Variants in HSD17B2 observed in about 807,000 individuals in gnomAD.
HSD17B2 encodes hydroxysteroid 17-beta dehydrogenase 2.
A neutral mutation model predicts 26.9 loss-of-function variants in HSD17B2; 32 were observed. The ratio of observed to expected loss-of-function variants is 1.19; its 90% CI spans 0.90 to 1.60. The LOEUF (loss-of-function observed/expected upper bound fraction) is 1.60. Ranked by LOEUF, HSD17B2 falls within the 40% of genes most tolerant of loss-of-function variation. The pLI, the probability that HSD17B2 is intolerant of heterozygous loss-of-function variation, is 0.00. For missense variants in HSD17B2, 613 were observed against 468.6 expected (o/e 1.31, Z -2.85); for synonymous variants, 246 against 186.7 (o/e 1.32, Z -2.59).
At chr16:82,054,887 G>C (rs1018646597) in intron 1 of HSD17B2, among the ~76,000 whole-genome samples, 1 of 152,074 alleles carries the variant, frequency 6.6e-6, no homozygotes, top group Non-Finnish European at 1.5e-5. Context: ...GATATCTCTC[G>C]TCACATTTTA....
chr16:82,086,653 CA>C (rs1345235109), intron 3 of HSD17B2, among the ~76,000 whole-genome samples: 1 of 152,174 alleles, frequency 6.6e-6, no homozygotes, highest in Non-Finnish European at 1.5e-5. Flanking sequence ...AGAAAGGGTG[CA>C]GTCTACGTCT....
chr16:82,046,565 A>G (rs1913935490), intron 1 of HSD17B2, among the ~76,000 whole-genome samples: 2 of 152,156 alleles, frequency 1.3e-5, no homozygotes, highest in Admixed American at 1.3e-4. Context: ...TCTACCAAAA[A>G]TACAAAAATT....
At chr16:82,040,552 T>G (rs193202986) in intron 1 of HSD17B2, among the ~76,000 whole-genome samples, 188 of 152,346 alleles carry the variant, frequency 1.2e-3, no homozygotes, top group Non-Finnish European at 2.1e-3. Context: ...AGATCCATAG[T>G]TGGTATTAGA....
At chr16:82,059,789 C>A (rs368847697) in intron 1 of HSD17B2, among the ~76,000 whole-genome samples, 1 of 152,132 alleles carries the variant, frequency 6.6e-6, no homozygotes, top group Non-Finnish European at 1.5e-5. Context: ...ACCACATTCC[C>A]GTTGTGTAGC....
intron 1 of HSD17B2, among the ~76,000 whole-genome samples, chr16:82,061,148 A>T (rs977797564): frequency 4.6e-5 from 7 of 152,082 alleles, no homozygotes. Context: ...AATCCCAGCT[A>T]CTTGGGAGGC....
At chr16:82,049,236 G>A (rs539086570) in intron 1 of HSD17B2, among the ~76,000 whole-genome samples, 22 of 152,276 alleles carry the variant, frequency 1.4e-4, no homozygotes, top group East Asian at 7.7e-4. Flanking sequence ...ATAGGGTAGC[G>A]GGGAGTGACA....
At chr16:82,097,290 GTGTATATATATA>G (rs1904874262) in intron 4 of HSD17B2, 1 of 151,120 alleles carries the variant, frequency 6.6e-6, no homozygotes, top group East Asian at 1.9e-4. Context: ...GTGTGTGTGT[GTGTATATATATA>G]TACACATATA....
chr16:82,039,672 T>C (rs1292200279), intron 1 of HSD17B2, among the ~76,000 whole-genome samples: 2 of 152,220 alleles, frequency 1.3e-5, no homozygotes, highest in African/African-American at 4.8e-5. Context: ...GTTGTCCTTC[T>C]CAGCCTACCC....
rs1411127348 is a variant in HSD17B2 at position 82,035,367 on chromosome 16, C to G, written c.-58C>G. The G allele has an allele frequency of 1.3e-6, 2 of 1,551,456 alleles. No individual in the cohort carries two copies. The highest frequency in any genetic ancestry group is 1.7e-6 in the Non-Finnish European group (2 of 1,143,402). On this transcript the variant is annotated 5_prime_UTR_variant, in exon 1 of 5. Coordinates refer to ENST00000199936, the MANE Select transcript of HSD17B2 (RefSeq NM_002153.3). ...CAGAACTCAGGCTGCCTCCAGCCAG[C>G]CTTTGCCCGCTAGACTCACTGGCCC...
At chr16:82,041,121 G>T (rs982285531) in intron 1 of HSD17B2, among the ~76,000 whole-genome samples, 1 of 152,204 alleles carries the variant, frequency 6.6e-6, no homozygotes, top group African/African-American at 2.4e-5. Flanking sequence ...TGACTGGGGA[G>T]TATTCTGACT....
chr16:82,083,397 G>A (rs953300864), intron 3 of HSD17B2, among the ~76,000 whole-genome samples: 2 of 152,062 alleles, frequency 1.3e-5, no homozygotes, highest in African/African-American at 4.8e-5. Flanking sequence ...CAGACTGCCC[G>A]GGTTTTAATC....
intron 1 of HSD17B2, among the ~76,000 whole-genome samples, chr16:82,048,380 T>C (rs1914001844): frequency 6.6e-6 from 1 of 152,128 alleles, no homozygotes; most frequent in African/African-American, 2.4e-5. Flanking sequence ...GGATACCGAT[T>C]AGAGAGAATT....
chr16:82,046,001 C>T (rs1464477085), intron 1 of HSD17B2, among the ~76,000 whole-genome samples: 2 of 152,236 alleles, frequency 1.3e-5, no homozygotes, highest in Non-Finnish European at 2.9e-5. Context: ...TGTTGCATTG[C>T]CTCCTGAGTC....
At chr16:82,093,033 C>A (rs575358907) in intron 4 of HSD17B2, 1 of 152,174 alleles carries the variant, frequency 6.6e-6, no homozygotes, top group South Asian at 2.1e-4. Context: ...GCTGTTCTCA[C>A]CCACTTACCA....
chr16:82,072,783 C>T (rs967170571), intron 3 of HSD17B2, among the ~76,000 whole-genome samples: 39 of 152,108 alleles, frequency 2.6e-4, no homozygotes, highest in African/African-American at 7.5e-4. Flanking sequence ...AGGCCAGGTG[C>T]GGTGGCTCAA....
At chr16:82,086,406 GCTTCAGAATGGTAA>G (rs1405180603) in intron 3 of HSD17B2, among the ~76,000 whole-genome samples, 4 of 152,158 alleles carry the variant, frequency 2.6e-5, no homozygotes, top group Non-Finnish European at 5.9e-5. Context: ...TCTTTTGTAA[GCTTCAGAATGGTAA>G]CTTCAAGTCC....
intron 4 of HSD17B2, chr16:82,097,322 G>GTATA: frequency 6.8e-6 from 1 of 147,228 alleles, no homozygotes; most frequent in African/African-American, 2.5e-5. Flanking sequence ...ATATGTGTGT[G>GTATA]TATATATATA....
chr16:82,098,138 C>G lies in HSD17B2; in HGVS notation c.866C>G (p.Ala289Gly). Residue 289 changes from alanine to glycine, a missense_variant, in exon 5 of 5, where the codon GCT becomes GGT. Ala to Gly is a moderately conservative substitution (Grantham distance 60). Transcript: ENST00000199936. The part of the protein sequence containing the change: ...LEKDILDHLP[A>G]EVQEDYGQDY... ...AAGGACATTCTGGACCACCTCCCCG[C>G]TGAGGTACAGGAAGACTACGGCCAG... is the stretch of plus-strand genomic sequence containing the variant. The G allele has an allele frequency of 1.2e-6, 2 of 1,614,038 alleles. No individual in the cohort carries two copies.
At chr16:82,060,437 G>T (rs1277160560) in intron 1 of HSD17B2, among the ~76,000 whole-genome samples, 1 of 152,186 alleles carries the variant, frequency 6.6e-6, no homozygotes, top group Admixed American at 6.5e-5. Flanking sequence ...ATCAGAGGGG[G>T]AGCCCCGGAG....
Sources: gnomAD v4.1 joint callset for allele counts (sites outside exome capture counted in the v4.1 genomes callset) on GRCh38, gnomAD v4.1.1 for gene constraint, MANE v1.5 for transcripts, NCBI Gene and HGNC (gene_info 2026-07-23, HGNC 2026-07-21) for gene names.